IL1RAPL1: variants seen among roughly 807,000 people sequenced by gnomAD.
IL1RAPL1 encodes interleukin 1 receptor accessory protein like 1.
A neutral mutation model predicts 48.4 loss-of-function variants in IL1RAPL1; 3 were observed. The ratio of observed to expected loss-of-function variants is 0.06; its 90% CI spans 0.03 to 0.16. IL1RAPL1 has a LOEUF of 0.16. Among genes scored for constraint, IL1RAPL1 ranks in the 10% least tolerant of loss-of-function variants. The probability of loss-of-function intolerance (pLI) is 1.00; values close to 1 mark genes in which losing one functional copy is unlikely to be tolerated. For synonymous variants in IL1RAPL1, 185 were observed against 187.7 expected (o/e 0.99, Z 0.12); for missense variants, 349 against 530.6 (o/e 0.66, Z 3.36).
At chrX:28,635,193 G>C (rs187159004) in intron 1 of IL1RAPL1, among the ~76,000 whole-genome samples, 1 of 112,011 alleles carries the variant, frequency 8.9e-6, no homozygotes, top group East Asian at 2.8e-4. Context: ...GAGTACTCTG[G>C]CTACTGTTTT....
chrX:29,705,105 CT>C (rs1927157698), intron 6 of IL1RAPL1, among the ~76,000 whole-genome samples: 1 of 111,721 alleles, frequency 9.0e-6, no homozygotes, highest in Admixed American at 9.5e-5. Flanking sequence ...TTGTTAATCA[CT>C]TTTAGAAGAA....
intron 2 of IL1RAPL1, among the ~76,000 whole-genome samples, chrX:29,025,427 C>T (rs1219655152): frequency 8.9e-6 from 1 of 111,913 alleles, no homozygotes; most frequent in East Asian, 2.8e-4. Context: ...TGTTTGTACA[C>T]TGCTGCCAGG....
At chrX:29,176,085 C>CTT (rs752040172) in intron 2 of IL1RAPL1, among the ~76,000 whole-genome samples, 146 of 75,719 alleles carry the variant, frequency 1.9e-3, no homozygotes, top group Middle Eastern at 8.1e-3. Flanking sequence ...TGGTAATTTG[C>CTT]TTTTTTTTTT....
intron 5 of IL1RAPL1, among the ~76,000 whole-genome samples, chrX:29,606,175 C>T (rs1360922329): frequency 2.7e-5 from 3 of 111,441 alleles, no homozygotes; most frequent in Non-Finnish European, 5.7e-5. Context: ...GAAGGTTTTC[C>T]TTTTTAAGTT....
At chrX:29,416,115 T>C (rs745966563) in intron 5 of IL1RAPL1, among the ~76,000 whole-genome samples, 27 of 112,045 alleles carry the variant, frequency 2.4e-4, no homozygotes, top group Non-Finnish European at 4.9e-4. Context: ...GATTTGTTTT[T>C]CTTCTTTCCT....
At chrX:29,804,661 A>G (rs1367382665) in intron 6 of IL1RAPL1, among the ~76,000 whole-genome samples, 2 of 112,243 alleles carry the variant, frequency 1.8e-5, no homozygotes, top group Non-Finnish European at 3.8e-5. Context: ...TGAGTCCATT[A>G]AACCTCTTTC....
At chrX:29,049,306 T>C (rs911702652) in intron 2 of IL1RAPL1, among the ~76,000 whole-genome samples, 2 of 112,694 alleles carry the variant, frequency 1.8e-5, no homozygotes, top group African/African-American at 6.4e-5. Flanking sequence ...AAGTCACATT[T>C]TGCCTTTTAA....
intron 2 of IL1RAPL1, among the ~76,000 whole-genome samples, chrX:28,970,208 G>T (rs1262798998): frequency 9.0e-6 from 1 of 111,661 alleles, no homozygotes; most frequent in Admixed American, 9.5e-5. Flanking sequence ...CACCATGTTG[G>T]CCAGGCTAGT....
At chrX:29,366,583 T>G (rs1463739404) in intron 3 of IL1RAPL1, among the ~76,000 whole-genome samples, 2 of 60,509 alleles carry the variant, frequency 3.3e-5, no homozygotes, top group Non-Finnish European at 7.0e-5. Flanking sequence ...TTTTTTTTTT[T>G]TTTGAGACAG....
chrX:28,951,786 C>A (rs1244052072), intron 2 of IL1RAPL1, among the ~76,000 whole-genome samples: 2 of 111,943 alleles, frequency 1.8e-5, no homozygotes, highest in South Asian at 7.3e-4. Context: ...AGCATCTGAG[C>A]TTCCTGACAG....
intron 5 of IL1RAPL1, among the ~76,000 whole-genome samples, chrX:29,407,173 A>C (rs1934083462): frequency 9.0e-6 from 1 of 111,681 alleles, no homozygotes; most frequent in Non-Finnish European, 1.9e-5. Context: ...TCAACTAGGC[A>C]AAGAAATAGA....
chrX:28,784,403 G>T (rs1936454114), intron 1 of IL1RAPL1, among the ~76,000 whole-genome samples: 1 of 111,681 alleles, frequency 9.0e-6, no homozygotes, highest in Non-Finnish European at 1.9e-5. Flanking sequence ...CAAGCCAGGA[G>T]TGGAAAGAAG....
At chrX:28,842,348 G>A (rs1045635373) in intron 2 of IL1RAPL1, among the ~76,000 whole-genome samples, 5 of 110,769 alleles carry the variant, frequency 4.5e-5, no homozygotes, top group Non-Finnish European at 7.6e-5. Context: ...TTTTATGAAC[G>A]ATTCAACCTG....
chrX:29,390,782 A>G (rs1014194629), intron 3 of IL1RAPL1, among the ~76,000 whole-genome samples: 41 of 112,175 alleles, frequency 3.7e-4, no homozygotes, highest in African/African-American at 1.3e-3. Context: ...CTTTCCACAC[A>G]TATTTTCCTT....
At chrX:29,881,298 A>G (rs1354984399) in intron 6 of IL1RAPL1, among the ~76,000 whole-genome samples, 3 of 111,479 alleles carry the variant, frequency 2.7e-5, no homozygotes, top group African/African-American at 9.8e-5. Context: ...AAATTTTAAA[A>G]GTGGAGGATG....
chrX:29,641,372 G>C (rs1925167117), intron 5 of IL1RAPL1, among the ~76,000 whole-genome samples: 1 of 111,935 alleles, frequency 8.9e-6, no homozygotes, highest in African/African-American at 3.3e-5. Flanking sequence ...ATTTCTCTTC[G>C]AATAGTTTCC....
At chrX:29,840,591 C>T (rs190822121) in intron 6 of IL1RAPL1, among the ~76,000 whole-genome samples, 5 of 112,160 alleles carry the variant, frequency 4.5e-5, no homozygotes, top group Admixed American at 9.5e-5. Flanking sequence ...GCAGAACATA[C>T]AAGGATTAAT....
chrX:28,862,114 A>G (rs1384317815), intron 2 of IL1RAPL1, among the ~76,000 whole-genome samples: 2 of 112,215 alleles, frequency 1.8e-5, no homozygotes, highest in Non-Finnish European at 1.9e-5. Context: ...TGTTACAAGC[A>G]TTTTATGAAA....
chrX:28,902,172 C>CTTT (rs35499387), intron 2 of IL1RAPL1, among the ~76,000 whole-genome samples: 101 of 101,764 alleles, frequency 9.9e-4, no homozygotes, highest in Admixed American at 2.5e-3. Flanking sequence ...CTTCCTTATC[C>CTTT]TTTTTTTTTT....
Sources: allele counts gnomAD v4.1 joint callset (sites outside exome capture counted in the v4.1 genomes callset), GRCh38; gene constraint gnomAD v4.1.1; transcripts MANE v1.5; gene names NCBI Gene and HGNC (gene_info 2026-07-23, HGNC 2026-07-21).